Variants in DNAJA1 observed in about 807,000 individuals in gnomAD.
The protein encoded by DNAJA1 is DnaJ heat shock protein family (Hsp40) member A1, also known as dnaJ homolog subfamily A member 1.
Under a neutral mutation model 47.6 loss-of-function variants are expected in DNAJA1, and 26 were observed. That is an observed-to-expected ratio of 0.55 (90% CI 0.40 to 0.76). The LOEUF is 0.76. DNAJA1 is among the 30% of genes least tolerant of loss of function. DNAJA1 has a pLI of 0.00. For synonymous variants in DNAJA1, 165 were observed against 158.4 expected (o/e 1.04, Z -0.31); for missense variants, 315 against 485.0 (o/e 0.65, Z 3.29).
intron 1 of DNAJA1, 147 bp from the exon 2 acceptor site, chr9:33,026,328 C>T (rs976032398): frequency 5.9e-5 from 42 of 714,820 alleles, no homozygotes; most frequent in Admixed American, 1.9e-4. Flanking sequence ...GCTGAATTAT[C>T]GCAGGAATTG....
intron 1 of DNAJA1, among the ~76,000 whole-genome samples, chr9:33,025,624 A>G (rs1004760040): frequency 9.9e-5 from 15 of 151,196 alleles, no homozygotes; most frequent in African/African-American, 2.7e-4. Flanking sequence ...TGGGATCTCC[A>G]AGGAGCTACT....
At chr9:33,031,400 T>C (rs550506303) in intron 5 of DNAJA1, among the ~76,000 whole-genome samples, 64 of 152,196 alleles carry the variant, frequency 4.2e-4, no homozygotes, top group African/African-American at 1.4e-3. Flanking sequence ...CCCCGCCTCA[T>C]GTTTATTTTT....
intron 3 of DNAJA1, among the ~76,000 whole-genome samples, chr9:33,029,083 C>G (rs79093542): frequency 0.021 from 3,240 of 152,284 alleles, 47 homozygotes; most frequent in Non-Finnish European, 0.034. Flanking sequence ...ATTTCCTATT[C>G]TGATTTAAGT....
chr9:33,026,806 C>A lies in DNAJA1; in HGVS notation c.133-7C>A. The A allele has an allele frequency of 6.2e-7, 1 of 1,607,258 alleles. No individual in the cohort carries two copies. Among genetic ancestry groups the A allele is most frequent in the Non-Finnish European group, 8.5e-7 (1 of 1,177,486 alleles). Reference sequence around the variant, plus strand: ...AAAATGAAATTCACTCCTCTTTTCTCAAACAGTTTAAACAGATTTCTCAAG... The same window carrying A: ...AAAATGAAATTCACTCCTCTTTTCTAAAACAGTTTAAACAGATTTCTCAAG... On this transcript the variant is annotated splice_region_variant and splice_polypyrimidine_tract_variant and intron_variant, in intron 2 of 8. Transcript: ENST00000330899.
chr9:33,036,492 A>G (rs557011906), intron 6 of DNAJA1, 82 bp from the exon 7 acceptor site: 1 of 856,088 alleles, frequency 1.2e-6, no homozygotes, highest in African/African-American at 1.7e-5. Flanking sequence ...CTTTGCTTTT[A>G]TTAAACAAAA....
At position 33,039,556 on chromosome 9, in the gene DNAJA1, T is replaced by TATATATAA. The variant is rs1309719717; in HGVS notation, c.*658_*659insTAAATATA. On this transcript the variant is annotated 3_prime_UTR_variant, in exon 9 of 9. Transcript: ENST00000330899. ...CCATTCATATATATATACATATATA[T>TATATATAA]ATATAATCTTGACCAGTCCTGGTCA... 1 of 144,032 alleles carries TATATATAA rather than the reference T, an allele frequency of 6.9e-6. No individual in the cohort carries two copies. Among genetic ancestry groups the TATATATAA allele is most frequent in the Non-Finnish European group, 1.6e-5 (1 of 64,170 alleles). 8.9% of individuals were successfully genotyped at this position (144,032 alleles called of 1,614,324 possible).
chr9:33,039,036 A>C lies in DNAJA1; in HGVS notation c.*133A>C, dbSNP rs945405184. 1.1e-6 allele frequency: 1 copy of C among 877,632 alleles called. No homozygotes were observed. 54.4% of individuals were successfully genotyped at this position (877,632 alleles called of 1,614,324 possible). The stretch of plus-strand genomic sequence containing the variant: ...AACTATAGTAGTGTTTTAAAAAGTT[A>C]AATGAAGAATAAACGCAAATATAAA... On this transcript the variant is annotated 3_prime_UTR_variant, in exon 9 of 9. Coordinates refer to ENST00000330899, the MANE Select transcript of DNAJA1 (RefSeq NM_001539.4).
At chr9:33,029,287 T>G (rs1393952398) in intron 3 of DNAJA1, among the ~76,000 whole-genome samples, 2 of 152,232 alleles carry the variant, frequency 1.3e-5, no homozygotes, top group Non-Finnish European at 2.9e-5. Flanking sequence ...GGCAATGCTA[T>G]TATAAAAGGT....
At chr9:33,034,170 T>A in intron 5 of DNAJA1, 46 bp from the exon 6 acceptor site, 2 of 1,304,220 alleles carry the variant, frequency 1.5e-6, no homozygotes, top group South Asian at 2.7e-5. Flanking sequence ...ATTCTGACCT[T>A]AGTTGGATAT....
At chr9:33,026,772 GTT>G (rs758486595) in intron 2 of DNAJA1, 39 bp from the exon 3 acceptor site, 1 of 1,601,628 alleles carries the variant, frequency 6.2e-7, no homozygotes, top group African/African-American at 1.4e-5. Flanking sequence ...GGTAACACTT[GTT>G]TTTTAAAAAA....
chr9:33,037,557 C>G (rs375399839), intron 8 of DNAJA1, among the ~76,000 whole-genome samples: 5 of 152,262 alleles, frequency 3.3e-5, no homozygotes, highest in South Asian at 2.1e-4. Flanking sequence ...TGGCACACAC[C>G]TGTAGTCCCA....
At chr9:33,027,082 A>G in intron 3 of DNAJA1, 92 bp downstream of exon 3, 1 of 1,471,696 alleles carries the variant, frequency 6.8e-7, no homozygotes, top group Non-Finnish European at 9.3e-7. Context: ...ATGCTTGTTT[A>G]CATGTTGGTA....
chr9:33,026,708 G>A (rs935126737), intron 2 of DNAJA1, 92 bp downstream of exon 2: 2 of 1,565,018 alleles, frequency 1.3e-6, no homozygotes, highest in Non-Finnish European at 1.7e-6. Flanking sequence ...ATCTAATATA[G>A]TAACTATGAT....
intron 1 of DNAJA1, among the ~76,000 whole-genome samples, chr9:33,026,038 C>A (rs905478557): frequency 6.6e-6 from 1 of 152,166 alleles, no homozygotes; most frequent in Non-Finnish European, 1.5e-5. Context: ...ACCACTCCCC[C>A]CCACCACTGT....
intron 4 of DNAJA1, 84 bp from the exon 5 acceptor site, chr9:33,030,356 G>A (rs1320137690): frequency 7.7e-7 from 1 of 1,297,456 alleles, no homozygotes; most frequent in Non-Finnish European, 1.1e-6. Context: ...TAAAAGTATA[G>A]CATTTAGGAA....
At chr9:33,031,085 G>T (rs10971346) in intron 5 of DNAJA1, among the ~76,000 whole-genome samples, 10,732 of 152,242 alleles carry the variant, frequency 0.07, 514 homozygotes, top group Non-Finnish European at 0.11. Context: ...GAAGAATTGG[G>T]TCTCATAAAA....
Position 33,036,789 on chromosome 9 carries a change from G to A in DNAJA1, c.874+100G>A, listed in dbSNP as rs189832230. The A allele has an allele frequency of 3.9e-5, 35 of 907,968 alleles. No individual in the cohort carries two copies. In the Admixed American group the frequency reaches 7.5e-4, roughly 20 times the overall value. The allele number at this position is 907,968 out of a possible 1,614,324, so 56.2% of individuals were successfully genotyped here. A position where few individuals can be genotyped will look rare whatever the true frequency, so the allele number is the denominator to read the frequency against. On this transcript the variant is annotated intron_variant, in intron 7 of 8. Transcript: ENST00000330899. The stretch of plus-strand genomic sequence containing the variant: ...GTATAGGCACTGAGGGAAACCCATT[G>A]TTTTTCTTTCTCGGTTACATATCCT...
In DNAJA1 at chr9:33,036,530, A is replaced by AT. The variant is rs780672606; in HGVS notation, c.759-42dup. 4 of 1,362,092 alleles carry AT rather than the reference A, an allele frequency of 2.9e-6. No individual in the cohort carries two copies. The South Asian group carries it at 5.1e-5, about 17-fold the overall frequency. 84.4% of individuals were successfully genotyped at this position (1,362,092 alleles called of 1,614,324 possible). ...ACAGCCTGCTTTGGTACATCTACTG[A>AT]TTCGTGATTTGAAAAATATAAATAT... On this transcript the variant is annotated intron_variant, in intron 6 of 8. Coordinates refer to ENST00000330899, the MANE Select transcript of DNAJA1 (RefSeq NM_001539.4).
intron 1 of DNAJA1, among the ~76,000 whole-genome samples, chr9:33,025,936 C>T (rs910348573): frequency 1.4e-4 from 22 of 152,186 alleles, no homozygotes; most frequent in Admixed American, 1.2e-3. Context: ...TAAACTCTGC[C>T]AGCCTGAGGG....
Sources: allele counts gnomAD v4.1 joint callset (sites outside exome capture counted in the v4.1 genomes callset), GRCh38; gene constraint gnomAD v4.1.1; transcripts MANE v1.5; gene names NCBI Gene and HGNC (gene_info 2026-07-23, HGNC 2026-07-21).